The following NLRP7 variants were observed in gnomAD, a reference collection of about 807,000 sequenced individuals.
NLRP7 encodes NACHT, LRR and PYD domains-containing protein 7.
In NLRP7, 72 loss-of-function variants were observed where a neutral mutation model predicts 85.5. That is an observed-to-expected ratio of 0.84 (90% confidence interval 0.70 to 1.02). The LOEUF (loss-of-function observed/expected upper bound fraction) is 1.02, where lower values mean the gene tolerates loss of function less well. NLRP7 is among the 50% of genes least tolerant of loss of function. The pLI is 0.00. For synonymous variants in NLRP7, 550 were observed against 505.2 expected (o/e 1.09, Z -1.19); for missense variants, 1,243 against 1,219.5 (o/e 1.02, Z -0.29).
intron 1 of NLRP7, among the ~76,000 whole-genome samples, chr19:54,942,516 G>A (rs1338207568): frequency 1.3e-5 from 2 of 151,782 alleles, no homozygotes; most frequent in Non-Finnish European, 2.9e-5. Flanking sequence ...CTGAGGTCGG[G>A]AGCTCAAGAC....
upstream of NLRP7, chr19:54,949,041 G>C (rs547617111): frequency 3.3e-5 from 5 of 152,684 alleles, no homozygotes; most frequent in African/African-American, 9.7e-5. Context: ...ACTTTGGAAG[G>C]CTGAGGCAGG....
chr19:54,943,867 C>T (rs2069352072), intron 1 of NLRP7, among the ~76,000 whole-genome samples: 1 of 151,964 alleles, frequency 6.6e-6, no homozygotes, highest in Middle Eastern at 3.2e-3. Context: ...GTAACCCTAG[C>T]CCCAACCCTG....
exon 4 of NLRP7, chr19:54,939,963 A>G: frequency 1.2e-6 from 2 of 1,614,108 alleles, no homozygotes; most frequent in Non-Finnish European, 1.7e-6. Context: ...CTCTTCAGCA[A>G]ACTCCCCAGG....
intron 3 of NLRP7, among the ~76,000 whole-genome samples, 176 bp from the exon 4 acceptor site, chr19:54,940,642 G>T (rs574975923): frequency 2.2e-4 from 33 of 151,810 alleles, no homozygotes; most frequent in African/African-American, 7.7e-4. Context: ...GCCTGGCCAA[G>T]ATAGTGAAAC....
At chr19:54,962,399 C>T (rs1233099133) in intron 1 of NLRP7, among the ~76,000 whole-genome samples, 1 of 149,860 alleles carries the variant, frequency 6.7e-6, no homozygotes, top group African/African-American at 2.4e-5. Context: ...TCCAGAATAG[C>T]TGGAATTACA....
intron 1 of NLRP7, among the ~76,000 whole-genome samples, chr19:54,942,255 CAAAAAAAAAAA>C (rs576434793): frequency 6.5e-3 from 389 of 59,452 alleles, no homozygotes; most frequent in African/African-American, 0.021. Context: ...GACTCCGTCT[CAAAAAAAAAAA>C]AAAAAAAAAA....
At chr19:54,943,074 G>A (rs1418552112) in intron 1 of NLRP7, among the ~76,000 whole-genome samples, 1 of 151,988 alleles carries the variant, frequency 6.6e-6, no homozygotes, top group East Asian at 1.9e-4. Flanking sequence ...TTGAACCCAG[G>A]AGGCGGAGGT....
rs537534834 is a variant in NLRP7, at chr19:54,942,869, G to A, written c.-39-1119C>T. Among the ~76,000 whole-genome samples the A allele has an allele frequency of 1.6e-4, 25 of 152,162 alleles. 1 individual carries two copies. Among genetic ancestry groups the A allele is most frequent in the African/African-American group, 5.8e-4 (24 of 41,516 alleles). On this transcript the variant is annotated intron_variant, in intron 1 of 9. Transcript: ENST00000340844. ...AGATATAAATATAACTGTACTGGCC[G>A]GGTATGGTGGCTCAGGCCTGGAATC... is the stretch of plus-strand genomic sequence containing the variant.
chr19:54,942,949 C>G (rs1348986756), intron 1 of NLRP7, among the ~76,000 whole-genome samples: 3 of 150,180 alleles, frequency 2.0e-5, no homozygotes, highest in Non-Finnish European at 1.5e-5. Flanking sequence ...GAGTTTGAGA[C>G]CCGCCTGGCC....
chr19:54,952,508 T>G (rs2069702101), intron 1 of NLRP7, among the ~76,000 whole-genome samples: 2 of 151,072 alleles, frequency 1.3e-5, no homozygotes, highest in African/African-American at 2.4e-5. Context: ...GCAAGAGAAT[T>G]ACTTGAACCT....
At chr19:54,936,506 G>A (rs2068935795) in intron 5 of NLRP7, 75 bp from the exon 6 acceptor site, 1 of 1,286,120 alleles carries the variant, frequency 7.8e-7, no homozygotes, top group Non-Finnish European at 1.1e-6. Context: ...TAAACAAAAA[G>A]CTGTTTCACA....
At chr19:54,939,289 G>C (rs757553180) in exon 4 of NLRP7, 1 of 1,614,122 alleles carries the variant, frequency 6.2e-7, no homozygotes, top group Admixed American at 1.7e-5. Context: ...CGGGGTTCTT[G>C]AGTCTTTCTT....
At chr19:54,945,373 C>A (rs891435234) in intron 1 of NLRP7, among the ~76,000 whole-genome samples, 3 of 150,324 alleles carry the variant, frequency 2.0e-5, no homozygotes, top group Non-Finnish European at 4.4e-5. Flanking sequence ...CGGGTTCAAG[C>A]GATTCTCCTG....
chr19:54,964,522 T>C (rs2070243932), intron 1 of NLRP7, among the ~76,000 whole-genome samples: 1 of 151,644 alleles, frequency 6.6e-6, no homozygotes, highest in African/African-American at 2.4e-5. Flanking sequence ...GGCTATATGT[T>C]TACAAAATTA....
chr19:54,948,829 G>A (rs888060069), upstream of NLRP7: 17 of 152,754 alleles, frequency 1.1e-4, no homozygotes, highest in South Asian at 2.0e-4. Context: ...ATGAGCCACC[G>A]CACCTGGCCT....
At chr19:54,941,090 A>T (rs936784351) in intron 2 of NLRP7, 85 bp from the exon 3 acceptor site, 21 of 1,000,784 alleles carry the variant, frequency 2.1e-5, no homozygotes, top group Non-Finnish European at 3.2e-5. Context: ...TCAGCCAGGC[A>T]TGGTGGCTCA....
chr19:54,949,256 C>T (rs1487481904), upstream of NLRP7, among the ~76,000 whole-genome samples: 4 of 147,752 alleles, frequency 2.7e-5, no homozygotes, highest in Admixed American at 6.9e-5. Context: ...CCAGCCTGGG[C>T]GACAGAGACT....
At chr19:54,931,348 G>C (rs1052992473) in intron 8 of NLRP7, among the ~76,000 whole-genome samples, 1 of 152,082 alleles carries the variant, frequency 6.6e-6, no homozygotes, top group Non-Finnish European at 1.5e-5. Context: ...CACAAGATCA[G>C]GAGTTCAAGA....
upstream of NLRP7, among the ~76,000 whole-genome samples, chr19:54,949,342 G>A (rs947847903): frequency 6.6e-6 from 1 of 151,820 alleles, no homozygotes; most frequent in Non-Finnish European, 1.5e-5. Flanking sequence ...TTGGGAGGCT[G>A]AGGCGGGAGG....
Sources: gnomAD v4.1 joint callset for allele counts (sites outside exome capture counted in the v4.1 genomes callset) on GRCh38, gnomAD v4.1.1 for gene constraint, MANE v1.5 for transcripts, NCBI Gene and HGNC (gene_info 2026-07-23, HGNC 2026-07-21) for gene names.